Variants in WWOX observed in about 807,000 individuals in gnomAD.
The protein encoded by WWOX is WW domain containing oxidoreductase, also known as WW domain-containing oxidoreductase.
WWOX carries 69 observed loss-of-function variants against 46.2 expected under a neutral mutation model. The ratio of observed to expected loss-of-function variants is 1.49; its 90% confidence interval spans 1.23 to 1.82. WWOX has a LOEUF of 1.82. WWOX is among the 40% of genes most tolerant of loss of function. The pLI, the probability that WWOX is intolerant of heterozygous loss-of-function variation, is 0.00. For synonymous variants in WWOX, 359 were observed against 202.6 expected, an observed-to-expected ratio of 1.77 and a Z score of -6.56; for missense variants, 919 against 542.6, an observed-to-expected ratio of 1.69 and a Z score of -6.89.
intron 8 of WWOX, among the ~76,000 whole-genome samples, chr16:78,967,107 C>T (rs544469210): frequency 1.3e-5 from 2 of 152,056 alleles, no homozygotes; most frequent in Non-Finnish European, 2.9e-5. Context: ...GCATCTGTCC[C>T]TGGGTTATCT....
intron 1 of WWOX, among the ~76,000 whole-genome samples, chr16:78,106,910 C>G (rs1314437006): frequency 1.3e-5 from 2 of 152,192 alleles, no homozygotes; most frequent in African/African-American, 4.8e-5. Flanking sequence ...CTGGACTCAG[C>G]TAGCATGGGC....
intron 8 of WWOX, among the ~76,000 whole-genome samples, chr16:78,762,689 G>C (rs999951532): frequency 6.6e-6 from 1 of 152,200 alleles, no homozygotes; most frequent in Admixed American, 6.5e-5. Context: ...GGAATCCACT[G>C]TGGCTGAGAA....
intron 8 of WWOX, among the ~76,000 whole-genome samples, chr16:78,588,452 C>T (rs1396731322): frequency 6.6e-6 from 1 of 152,116 alleles, no homozygotes; most frequent in African/African-American, 2.4e-5. Context: ...TGTTCAGCAG[C>T]AAAAATCTGC....
intron 8 of WWOX, among the ~76,000 whole-genome samples, chr16:78,484,810 T>C (rs2084587884): frequency 6.6e-6 from 1 of 152,088 alleles, no homozygotes; most frequent in Non-Finnish European, 1.5e-5. Context: ...AAGTCGAGGT[T>C]CTGGAAGATG....
chr16:78,881,203 A>G (rs1034343709), intron 8 of WWOX, among the ~76,000 whole-genome samples: 1 of 151,892 alleles, frequency 6.6e-6, no homozygotes. Context: ...GGATTTTGCC[A>G]TGTTGCCCAG....
intron 8 of WWOX, among the ~76,000 whole-genome samples, chr16:79,040,821 G>A (rs1198482301): frequency 1.3e-5 from 2 of 151,962 alleles, no homozygotes; most frequent in African/African-American, 2.4e-5. Context: ...TCGGGGAGGA[G>A]CAAGGTTGTA....
intron 8 of WWOX, among the ~76,000 whole-genome samples, chr16:78,750,984 T>C (rs1182792232): frequency 6.6e-6 from 1 of 152,158 alleles, no homozygotes; most frequent in Non-Finnish European, 1.5e-5. Context: ...GTAGAGTGAT[T>C]TATTTTCCTT....
At chr16:79,002,751 T>C (rs1047625128) in intron 8 of WWOX, among the ~76,000 whole-genome samples, 1 of 151,474 alleles carries the variant, frequency 6.6e-6, no homozygotes, top group Admixed American at 6.6e-5. Context: ...TTCACCCGGG[T>C]TCTCCCTGTC....
chr16:79,001,483 A>G (rs2047091333), intron 8 of WWOX, among the ~76,000 whole-genome samples: 1 of 152,212 alleles, frequency 6.6e-6, no homozygotes, highest in Non-Finnish European at 1.5e-5. Context: ...TGTTTAAGGC[A>G]ATTATATAGT....
At chr16:78,217,930 A>T (rs79867992) in intron 5 of WWOX, among the ~76,000 whole-genome samples, 1 of 152,190 alleles carries the variant, frequency 6.6e-6, no homozygotes, top group Non-Finnish European at 1.5e-5. Context: ...TTGGACACTC[A>T]TATGCTGGTT....
At chr16:78,879,463 C>G (rs1446357433) in intron 8 of WWOX, among the ~76,000 whole-genome samples, 1 of 151,956 alleles carries the variant, frequency 6.6e-6, no homozygotes, top group Non-Finnish European at 1.5e-5. Flanking sequence ...TCTCACTTCC[C>G]CAAACATGTA....
At chr16:78,583,068 C>T (rs141016334) in intron 8 of WWOX, among the ~76,000 whole-genome samples, 30 of 152,316 alleles carry the variant, frequency 2.0e-4, no homozygotes, top group Non-Finnish European at 3.7e-4. Flanking sequence ...TTCCCTTCTC[C>T]GAGCAGAGCT....
chr16:79,055,599 C>T (rs2048247467), intron 8 of WWOX, among the ~76,000 whole-genome samples: 3 of 152,158 alleles, frequency 2.0e-5, no homozygotes, highest in Non-Finnish European at 4.4e-5. Flanking sequence ...CCTGTCCAAA[C>T]TGAAGATTCA....
chr16:78,818,318 C>A (rs2051396679), intron 8 of WWOX, among the ~76,000 whole-genome samples: 1 of 152,222 alleles, frequency 6.6e-6, no homozygotes, highest in Non-Finnish European at 1.5e-5. Flanking sequence ...AGCCCTGCCA[C>A]ACCATCACCC....
At chr16:78,726,637 G>C (rs1216943428) in intron 8 of WWOX, among the ~76,000 whole-genome samples, 1 of 152,098 alleles carries the variant, frequency 6.6e-6, no homozygotes, top group Non-Finnish European at 1.5e-5. Context: ...AGCAATTAAT[G>C]GAGGAAGGGA....
chr16:79,065,406 A>G (rs1032551543), intron 8 of WWOX, among the ~76,000 whole-genome samples: 1 of 152,166 alleles, frequency 6.6e-6, no homozygotes, highest in East Asian at 1.9e-4. Flanking sequence ...AGGGAATGGA[A>G]AATGCTGATT....
chr16:79,155,602 C>T (rs990612070), intron 8 of WWOX, among the ~76,000 whole-genome samples: 3 of 152,134 alleles, frequency 2.0e-5, no homozygotes, highest in African/African-American at 4.8e-5. Context: ...GCCAATCCCT[C>T]ATCTCCAGCA....
At chr16:78,637,641 G>A (rs933643438) in intron 8 of WWOX, among the ~76,000 whole-genome samples, 2 of 152,172 alleles carry the variant, frequency 1.3e-5, no homozygotes, top group Non-Finnish European at 2.9e-5. Flanking sequence ...AGAAGGAAGG[G>A]CTGGAGACGT....
intron 8 of WWOX, chr16:78,897,462 A>C (rs567370804): frequency 6.6e-6 from 1 of 152,044 alleles, no homozygotes; most frequent in African/African-American, 2.4e-5. Flanking sequence ...AATGATTCAC[A>C]TAATGTTTTT....
Sources: allele counts gnomAD v4.1 joint callset (sites outside exome capture counted in the v4.1 genomes callset), GRCh38; gene constraint gnomAD v4.1.1; transcripts MANE v1.5; gene names NCBI Gene and HGNC (gene_info 2026-07-23, HGNC 2026-07-21).